SZT2: variants seen among roughly 807,000 people sequenced by gnomAD.
SZT2 encodes SZT2 subunit of KICSTOR complex.
In SZT2, 216 loss-of-function variants were observed where a neutral mutation model predicts 404.2. The ratio of observed to expected loss-of-function variants is 0.53; its 90% CI spans 0.48 to 0.60. SZT2 has a LOEUF of 0.60. SZT2 is among the 20% of genes least tolerant of loss of function. The pLI, the probability that SZT2 is intolerant of heterozygous loss-of-function variation, is 0.00. For synonymous variants in SZT2, 1,693 were observed against 1,749.9 expected, an observed-to-expected ratio of 0.97 and a Z score of 0.81; for missense variants, 3,857 against 4,459.2, an observed-to-expected ratio of 0.86 and a Z score of 3.85.
chr1:43,428,531 A>G, intron 28 of SZT2, 45 bp downstream of exon 28: 3 of 1,590,922 alleles, frequency 1.9e-6, no homozygotes, highest in Non-Finnish European at 2.6e-6. Context: ...ACACAGACCA[A>G]GTCCCTATAA....
intron 4 of SZT2, among the ~76,000 whole-genome samples, chr1:43,414,315 G>A (rs1039451533): frequency 6.6e-6 from 1 of 152,002 alleles, no homozygotes; most frequent in African/African-American, 2.4e-5. Flanking sequence ...ACTTGAAGTG[G>A]TGGATACCCC....
Position 43,425,972 on chromosome 1 carries a change from T to G in SZT2, c.2929+23T>G. The G allele has an allele frequency of 2.5e-6, 4 of 1,613,102 alleles. No homozygotes were observed. The highest frequency in any genetic ancestry group is 4.5e-5 in the East Asian group (2 of 44,834). ...ATGGTGAGTGGGGCAGGCGGCCCAC[T>G]GGTGGAGCAGGGGAGTGGGTAGGGT... is the stretch of plus-strand genomic sequence containing the variant. On this transcript the variant is annotated intron_variant, in intron 20 of 71. Transcript: ENST00000634258. The surrounding 1 kb of genome is among the most constrained non-coding windows in gnomAD (Gnocchi z 4.3).
intron 1 of SZT2, among the ~76,000 whole-genome samples, chr1:43,391,712 T>G (rs1648343590): frequency 6.6e-6 from 1 of 152,188 alleles, no homozygotes; most frequent in Non-Finnish European, 1.5e-5. Context: ...AGGCAGATAG[T>G]CTAGGACAAC....
intron 4 of SZT2, among the ~76,000 whole-genome samples, chr1:43,407,942 C>T (rs1409532608): frequency 6.7e-6 from 1 of 149,636 alleles, no homozygotes; most frequent in Non-Finnish European, 1.5e-5. Flanking sequence ...AGGTGATTCT[C>T]CTGCCTCAGC....
At chr1:43,397,848 A>G (rs1289831872) in intron 1 of SZT2, among the ~76,000 whole-genome samples, 5 of 152,164 alleles carry the variant, frequency 3.3e-5, no homozygotes, top group African/African-American at 1.2e-4. Flanking sequence ...TCTTAATTAT[A>G]AACTCTGGCA....
intron 1 of SZT2, among the ~76,000 whole-genome samples, chr1:43,402,454 T>G (rs968160848): frequency 1.2e-4 from 19 of 152,144 alleles, no homozygotes; most frequent in African/African-American, 3.6e-4. Context: ...GCTGGCAAGG[T>G]GACAAGTTTC....
chr1:43,439,651 C>T lies in SZT2; in HGVS notation c.6924C>T (p.Pro2308=), dbSNP rs780988266. The T allele has an allele frequency of 4.3e-6, 7 of 1,613,630 alleles. No homozygotes were observed. The Admixed American group carries it at 6.7e-5, about 15-fold the overall frequency. The stretch of plus-strand genomic sequence containing the variant: ...CCTTTGTGGATGAAGGAGGGGCCCC[C>T]TTGTCACTGGCGTTGTGGCCCCCCT... ...TLAFVDEGGA[P]LSLALWPPSS... Residue 2308 remains proline (P), a synonymous_variant, in exon 50 of 72, where the codon CCC becomes CCT. Transcript: ENST00000634258. This position sits in a 1 kb window ranked among gnomAD's most constrained non-coding sequence, Gnocchi z 4.2.
chr1:43,443,122 T>A, intron 59 of SZT2, 36 bp downstream of exon 59: 1 of 1,612,582 alleles, frequency 6.2e-7, no homozygotes, highest in Non-Finnish European at 8.5e-7. Context: ...GGACAGGAAA[T>A]CTGTGGAGTC....
At chr1:43,418,716 C>T (rs998721168) in intron 7 of SZT2, among the ~76,000 whole-genome samples, 2 of 152,020 alleles carry the variant, frequency 1.3e-5, no homozygotes, top group African/African-American at 2.4e-5. Context: ...GATTTGAGAG[C>T]GATGCTTATG....
rs1287542285 is a variant in SZT2 at position 43,422,529 on chromosome 1, A to T, written c.1819A>T (p.Thr607Ser). 6.3e-7 allele frequency: 1 copy of T among 1,597,910 alleles called. No individual in the cohort carries two copies. Among genetic ancestry groups the T allele is most frequent in the African/African-American group, 1.3e-5 (1 of 74,974 alleles). Residue 607 changes from threonine to serine, a missense_variant, in exon 13 of 72, where the codon ACT (threonine) becomes TCT (serine). Transcript: ENST00000634258. ...HTPGSNGRYS[T>S]IQCRISHSSL... ...CCCGGGCAGCAATGGGCGCTACAGCACTATCCAGTGCAGGATCTCCCACTC... is the reference window on the plus strand; with the variant it reads ...CCCGGGCAGCAATGGGCGCTACAGCTCTATCCAGTGCAGGATCTCCCACTC...
Position 43,445,096 on chromosome 1 carries a change from G to GC in SZT2, c.8826-797dup, listed in dbSNP as rs1655517808. On this transcript the variant is annotated intron_variant, in intron 62 of 71. Coordinates refer to ENST00000634258, the MANE Select transcript of SZT2 (RefSeq NM_001365999.1). ...TTGCTATCTTGACAGCCAGTTCCCA[G>GC]CTCTAGGAGCTTCTCTAAAGGACTT... Among the ~76,000 whole-genome samples the GC allele has an allele frequency of 2.0e-5, 3 of 152,092 alleles. No homozygotes were observed. In the South Asian group the frequency reaches 6.2e-4, roughly 31 times the overall value.
Position 43,453,728 on chromosome 1 carries a change from C to T in SZT2, c.*3248C>T. 1 of 1,389,104 alleles carries T rather than the reference C, an allele frequency of 7.2e-7. No homozygotes were observed. The highest frequency in any genetic ancestry group is 9.2e-7 in the Non-Finnish European group (1 of 1,083,202). 86.0% of individuals were successfully genotyped at this position (1,389,104 alleles called of 1,614,324 possible). A position where few individuals can be genotyped will look rare whatever the true frequency, so the allele number is the denominator to read the frequency against. On this transcript the variant is annotated 3_prime_UTR_variant, in exon 72 of 72. Coordinates refer to ENST00000634258, the MANE Select transcript of SZT2 (RefSeq NM_001365999.1). ...CCGAGCTGCCCGCGGCCCGCACCCGCGCGGGGAGGCCGGAGAGCTCGGGGA... is the reference window on the plus strand; with the variant it reads ...CCGAGCTGCCCGCGGCCCGCACCCGTGCGGGGAGGCCGGAGAGCTCGGGGA...
chr1:43,431,868 T>C lies in SZT2; in HGVS notation c.5241T>C (p.Phe1747=). ...AAACTCTGCCACTGAGTTTTGTATT[T>C]GGGCCAGAGCGTTCCCTCACACAAT... The part of the protein sequence containing the change: ...LRQTLPLSFV[F]GPERSLTQFK... Residue 1747 remains phenylalanine, a synonymous_variant, in exon 36 of 72, where the codon TTT becomes TTC. Coordinates refer to ENST00000634258, the MANE Select transcript of SZT2 (RefSeq NM_001365999.1). 1 of 1,614,202 alleles carries C rather than the reference T, an allele frequency of 6.2e-7. No homozygotes were observed.
chr1:43,392,615 C>T (rs961147406), intron 1 of SZT2, among the ~76,000 whole-genome samples: 66 of 152,144 alleles, frequency 4.3e-4, no homozygotes, highest in African/African-American at 1.4e-3. Context: ...GGGGTTTCAC[C>T]GTGTTAGCCA....
At chr1:43,410,841 G>A (rs375195359) in intron 4 of SZT2, among the ~76,000 whole-genome samples, 1 of 151,882 alleles carries the variant, frequency 6.6e-6, no homozygotes. Flanking sequence ...AGGCATCAGT[G>A]TATGGCGAGG....
rs1652634600 is a variant in SZT2 at position 43,423,217 on chromosome 1, C to G, written c.2156C>G (p.Ser719Cys). The change falls in exon 15 of 72, where the codon TCT (serine) becomes TGT (cysteine). Residue 719 changes from serine (S) to cysteine (C), a missense_variant. Physicochemically the swap from Ser to Cys is moderately radical, Grantham distance 112 (BLOSUM62 -1). This residue lies in a region of SZT2 where 1,725 missense variants were observed against 1,881.0 expected (regional missense o/e 0.92). Coordinates refer to ENST00000634258, the MANE Select transcript of SZT2 (RefSeq NM_001365999.1). ...CTAGGGGGTGCTGGTGGGGGCAGCT[C>G]TCCCTCCAAGTCACCCCCCGTGCTG... ...KGLGGAGGGS[S>C]PSKSPPVLGP... The G allele has an allele frequency of 2.5e-6, 4 of 1,596,544 alleles. No homozygotes were observed. The highest frequency in any genetic ancestry group is 4.5e-5 in the East Asian group (2 of 44,870).
rs1388299963 is a variant in SZT2 at position 43,450,059 on chromosome 1, G to A, written c.10087-44G>A. 1 of 1,612,700 alleles carries A rather than the reference G, an allele frequency of 6.2e-7. No individual in the cohort carries two copies. The highest frequency in any genetic ancestry group is 1.3e-5 in the African/African-American group (1 of 74,874). Reference sequence around the variant, plus strand: ...CCCTTCACCTCAGGATGCCCTGTGGGAGGGTCTGTAGGGTCTGTGTCCCCT... The same window carrying A: ...CCCTTCACCTCAGGATGCCCTGTGGAAGGGTCTGTAGGGTCTGTGTCCCCT... On this transcript the variant is annotated intron_variant, in intron 70 of 71. Transcript: ENST00000634258. The surrounding 1 kb of genome is among the most constrained non-coding windows in gnomAD (Gnocchi z 4.3).
intron 42 of SZT2, chr1:43,436,423 T>A (rs1654463965): frequency 6.6e-6 from 1 of 152,242 alleles, no homozygotes; most frequent in African/African-American, 2.4e-5. Context: ...CAGCCTAAGA[T>A]GTAAGACCAG....
intron 1 of SZT2, among the ~76,000 whole-genome samples, chr1:43,394,798 A>G (rs1648797670): frequency 6.6e-6 from 1 of 152,022 alleles, no homozygotes; most frequent in African/African-American, 2.4e-5. Context: ...GAATTGCTTT[A>G]AATCCAGGAG....
Sources: gnomAD v4.1 joint callset for allele counts (sites outside exome capture counted in the v4.1 genomes callset) on GRCh38, gnomAD v4.1.1 for gene constraint, gnomAD v4.1.1 regional missense constraint, Gnocchi (gnomAD v3.1) non-coding constraint, MANE v1.5 for transcripts, NCBI Gene and HGNC (gene_info 2026-07-23, HGNC 2026-07-21) for gene names.